PDE11A: variants seen among roughly 807,000 people sequenced by gnomAD.
PDE11A encodes the protein dual 3',5'-cyclic-AMP and -GMP phosphodiesterase 11A.
Under a neutral mutation model 100.5 loss-of-function variants are expected in PDE11A, and 100 were observed. That is an observed-to-expected ratio of 1.00 (90% CI 0.85 to 1.18). The LOEUF (loss-of-function observed/expected upper bound fraction) is 1.18. Ranked by LOEUF, PDE11A falls within the 50% of genes most tolerant of loss-of-function variation. The probability of loss-of-function intolerance (pLI) is 0.00; values close to 1 mark genes in which losing one functional copy is unlikely to be tolerated. For synonymous variants in PDE11A, 381 were observed against 420.8 expected (o/e 0.91, Z 1.16); for missense variants, 1,141 against 1,152.6 (o/e 0.99, Z 0.15).
intron 5 of PDE11A, among the ~76,000 whole-genome samples, chr2:177,851,971 G>A (rs2083719007): frequency 6.6e-6 from 1 of 151,998 alleles, no homozygotes; most frequent in South Asian, 2.1e-4. Context: ...TCATCATTTA[G>A]CTCCCACTTA....
chr2:178,026,554 A>G (rs764126291), intron 1 of PDE11A, among the ~76,000 whole-genome samples: 15 of 151,828 alleles, frequency 9.9e-5, no homozygotes, highest in Non-Finnish European at 1.6e-4. Flanking sequence ...CCAGCTACTC[A>G]GGAGGCTGAG....
intron 2 of PDE11A, among the ~76,000 whole-genome samples, chr2:177,969,056 GACACATAT>G (rs1038974223): frequency 8.6e-5 from 13 of 151,982 alleles, no homozygotes; most frequent in African/African-American, 3.1e-4. Context: ...AAGAAAATGT[GACACATAT>G]ACACCATGGA....
At chr2:177,838,110 C>T (rs2083433897) in intron 6 of PDE11A, among the ~76,000 whole-genome samples, 2 of 152,072 alleles carry the variant, frequency 1.3e-5, no homozygotes, top group Admixed American at 1.3e-4. Flanking sequence ...GAAAAGGCAC[C>T]ACAGATCCCA....
intron 10 of PDE11A, among the ~76,000 whole-genome samples, chr2:177,742,739 G>A (rs2081891761): frequency 6.6e-6 from 1 of 152,180 alleles, no homozygotes; most frequent in Non-Finnish European, 1.5e-5. Flanking sequence ...ATGTGAAAGG[G>A]GACTTTCTCT....
intron 2 of PDE11A, among the ~76,000 whole-genome samples, chr2:177,965,912 G>A (rs1211585409): frequency 6.6e-6 from 1 of 152,168 alleles, no homozygotes; most frequent in African/African-American, 2.4e-5. Flanking sequence ...TTGGTAGTTT[G>A]ATAGGAATAG....
chr2:178,074,064 C>T (rs920095), upstream of PDE11A, among the ~76,000 whole-genome samples: 143,692 of 152,272 alleles, frequency 0.94, 68,262 homozygotes, highest in South Asian at 1. Context: ...AAAGCACTGA[C>T]ACGTGCTAGT....
intron 2 of PDE11A, among the ~76,000 whole-genome samples, chr2:177,971,840 G>C (rs1284789203): frequency 1.1e-4 from 17 of 151,404 alleles, no homozygotes; most frequent in Non-Finnish European, 2.2e-4. Context: ...GAAAATTCTA[G>C]AAAATAGCAA....
chr2:177,816,904 A>G lies in PDE11A; in HGVS notation c.1662T>C (p.Cys554=). Residue 554 remains cysteine (C), a synonymous_variant, in exon 9 of 20, where the codon TGT becomes TGC. Transcript: ENST00000286063. Reference sequence around the variant, plus strand: ...TAATTGTGTTGTTGATGCCAAGTCCACAAAAGATGACAAAAGCCTAGGAAA... The same window carrying G: ...TAATTGTGTTGTTGATGCCAAGTCCGCAAAAGATGACAAAAGCCTAGGAAA... The part of the protein sequence containing the change: ...QRLFEAFVIF[C]GLGINNTIMY... 4 of 1,605,216 alleles carry G rather than the reference A, an allele frequency of 2.5e-6. No homozygotes were observed. The highest frequency in any genetic ancestry group is 3.4e-6 in the Non-Finnish European group (4 of 1,172,032).
chr2:178,060,876 A>G (rs1199403660), intron 1 of PDE11A, among the ~76,000 whole-genome samples: 1 of 151,492 alleles, frequency 6.6e-6, no homozygotes, highest in Admixed American at 6.6e-5. Flanking sequence ...AAATCTTTGC[A>G]CATACCCATA....
intron 2 of PDE11A, among the ~76,000 whole-genome samples, chr2:177,968,951 A>G (rs1273812130): frequency 6.6e-6 from 1 of 152,264 alleles, no homozygotes; most frequent in Admixed American, 6.5e-5. Flanking sequence ...TCATTCTACT[A>G]TAAGAACACA....
At chr2:178,076,992 A>G (rs531803600), upstream of PDE11A, among the ~76,000 whole-genome samples, 2 of 274 alleles carry the variant, frequency 7.3e-3, no homozygotes, top group East Asian at 0.5. Context: ...CAGCAGGATA[A>G]CCTGCTTCCT....
At chr2:177,913,088 T>C (rs2084904732) in intron 2 of PDE11A, among the ~76,000 whole-genome samples, 1 of 152,198 alleles carries the variant, frequency 6.6e-6, no homozygotes, top group Non-Finnish European at 1.5e-5. Flanking sequence ...TCACTTGAAA[T>C]GTGTGAATTT....
intron 13 of PDE11A, among the ~76,000 whole-genome samples, chr2:177,705,744 G>A (rs532012923): frequency 6.6e-6 from 1 of 152,342 alleles, no homozygotes; most frequent in Non-Finnish European, 1.5e-5. Flanking sequence ...ATTGAGAGTT[G>A]TTGGGAGATG....
At chr2:177,657,469 C>G (rs549942646) in intron 19 of PDE11A, among the ~76,000 whole-genome samples, 17 of 152,196 alleles carry the variant, frequency 1.1e-4, no homozygotes, top group Non-Finnish European at 2.4e-4. Flanking sequence ...TTCTACATTT[C>G]AGAACTCTCC....
intron 19 of PDE11A, among the ~76,000 whole-genome samples, chr2:177,630,474 T>C (rs1159234649): frequency 6.6e-6 from 1 of 151,964 alleles, no homozygotes; most frequent in Admixed American, 6.6e-5. Flanking sequence ...TTCTCCAAGA[T>C]AGGGGGTAAC....
intron 2 of PDE11A, chr2:177,998,197 C>T: frequency 1.2e-6 from 1 of 853,416 alleles, no homozygotes. Context: ...ATGAATAGAA[C>T]AAATTCTTCA....
chr2:177,880,842 T>G (rs1527291), intron 4 of PDE11A, among the ~76,000 whole-genome samples: 1,728 of 152,294 alleles, frequency 0.011, 26 homozygotes, highest in East Asian at 0.075. Flanking sequence ...GTGTATAAAG[T>G]ACTGGATAGC....
intron 4 of PDE11A, among the ~76,000 whole-genome samples, chr2:177,881,485 G>T (rs1043429876): frequency 6.6e-6 from 1 of 152,126 alleles, no homozygotes; most frequent in African/African-American, 2.4e-5. Flanking sequence ...AAGGTGAGTT[G>T]ACCTCTGAGG....
chr2:177,939,685 T>C (rs77096307), intron 2 of PDE11A, among the ~76,000 whole-genome samples: 11,381 of 152,202 alleles, frequency 0.075, 429 homozygotes, highest in South Asian at 0.1. Flanking sequence ...ATCAGCAAAA[T>C]CCATATTGTG....
Sources: gnomAD v4.1 joint callset for allele counts (sites outside exome capture counted in the v4.1 genomes callset) on GRCh38, gnomAD v4.1.1 for gene constraint, MANE v1.5 for transcripts, NCBI Gene and HGNC (gene_info 2026-07-23, HGNC 2026-07-21) for gene names.